LRFN3: variants seen among roughly 807,000 people sequenced by gnomAD.
The protein encoded by LRFN3 is leucine rich repeat and fibronectin type III domain containing 3.
LRFN3 carries 8 observed loss-of-function variants against 23.8 expected under a neutral mutation model. The observed-to-expected ratio is 0.34, with a 90% CI of 0.20 to 0.61. The LOEUF (loss-of-function observed/expected upper bound fraction) is 0.61, where lower values mean the gene tolerates loss of function less well. LRFN3 is among the 20% of genes least tolerant of loss of function. The probability of loss-of-function intolerance (pLI) is 0.80; values close to 1 mark genes in which losing one functional copy is unlikely to be tolerated. For synonymous variants in LRFN3, 451 were observed against 450.6 expected, an observed-to-expected ratio of 1.00 and a Z score of -0.01; for missense variants, 736 against 935.3, an observed-to-expected ratio of 0.79 and a Z score of 2.78.
At position 35,945,079 on chromosome 19, in the gene LRFN3, T is replaced by C. The variant is rs1976164791; in HGVS notation, c.*60T>C. 1 of 1,045,344 alleles carries C rather than the reference T, an allele frequency of 9.6e-7. No homozygotes were observed. Among genetic ancestry groups the C allele is most frequent in the Non-Finnish European group, 1.3e-6 (1 of 778,574 alleles). The allele number at this position is 1,045,344 out of a possible 1,614,324, so 64.8% of individuals were successfully genotyped here. On this transcript the variant is annotated 3_prime_UTR_variant, in exon 3 of 3. Coordinates refer to ENST00000246529, the MANE Select transcript of LRFN3 (RefSeq NM_024509.2). ...CACGGACAGCAGGACCCGGACACCC[T>C]GTGGGACCTGGCCTCAAACTCACCA... is the stretch of plus-strand genomic sequence containing the variant.
Position 35,940,183 on chromosome 19 carries a change from G to A in LRFN3, c.758G>A (p.Cys253Tyr). 1.2e-6 allele frequency: 2 copies of A among 1,609,942 alleles called. No individual in the cohort carries two copies. The highest frequency in any genetic ancestry group is 1.7e-6 in the Non-Finnish European group (2 of 1,179,600). Reference protein sequence around the residue: ...VLAFGGNPLHCNCELVWLRRL... With the variant: ...VLAFGGNPLHYNCELVWLRRL... The stretch of plus-strand genomic sequence containing the variant: ...GCCTTTGGCGGGAACCCCCTGCACT[G>A]CAACTGCGAGCTGGTGTGGCTGCGT... Residue 253 changes from cysteine (C) to tyrosine (Y), a missense_variant, in exon 2 of 3, where the codon TGC becomes TAC. By Grantham distance (194) the Cys-to-Tyr change is radical. Coordinates refer to ENST00000246529, the MANE Select transcript of LRFN3 (RefSeq NM_024509.2).
In LRFN3 at chr19:35,939,414, C is replaced by A; in HGVS notation, c.-12C>A. 1 of 1,569,444 alleles carries A rather than the reference C, an allele frequency of 6.4e-7. No homozygotes were observed. Among genetic ancestry groups the A allele is most frequent in the Non-Finnish European group, 8.6e-7 (1 of 1,160,430 alleles). ...CGCCTCCCCTCTTCTCCGCAGGACA[C>A]CCCTGCCCGCGATGGCCATCCTCCC... On this transcript the variant is annotated 5_prime_UTR_variant, in exon 2 of 3. Transcript: ENST00000246529. This position sits in a 1 kb window ranked among gnomAD's most constrained non-coding sequence, Gnocchi z 6.4.
rs769217067 is a variant in LRFN3, at chr19:35,940,770, C to A, written c.1345C>A (p.Arg449=). Residue 449 remains arginine (R), a synonymous_variant, in exon 2 of 3, where the codon CGG becomes AGG. Transcript: ENST00000246529. The stretch of plus-strand genomic sequence containing the variant: ...TGCTCTTGTCCAGTGGCCGGATCAG[C>A]GGCCTATCCCGGGCATCCGCATGTA... ...TAALVQWPDQ[R]PIPGIRMYQI... 1.2e-6 allele frequency: 2 copies of A among 1,611,398 alleles called. No individual in the cohort carries two copies. The highest frequency in any genetic ancestry group is 1.7e-6 in the Non-Finnish European group (2 of 1,178,472).
chr19:35,941,370 C>G (rs1237877082), intron 2 of LRFN3, among the ~76,000 whole-genome samples: 1 of 152,112 alleles, frequency 6.6e-6, no homozygotes, highest in African/African-American at 2.4e-5. Flanking sequence ...GGACTAGATA[C>G]TAGCTGGGCT....
chr19:35,942,659 G>A (rs1268310114), intron 2 of LRFN3, among the ~76,000 whole-genome samples: 1 of 152,138 alleles, frequency 6.6e-6, no homozygotes, highest in Non-Finnish European at 1.5e-5. Flanking sequence ...TTTCAGTCCT[G>A]GCAACCCACT....
At chr19:35,938,373 C>T (rs1461763933) in intron 1 of LRFN3, among the ~76,000 whole-genome samples, 2 of 148,400 alleles carry the variant, frequency 1.3e-5, no homozygotes, top group African/African-American at 2.6e-5. Flanking sequence ...CATCTCTGGC[C>T]ACCTCTTCTC....
chr19:35,941,538 T>C (rs1288990466), intron 2 of LRFN3, among the ~76,000 whole-genome samples: 2 of 152,148 alleles, frequency 1.3e-5, no homozygotes, highest in African/African-American at 4.8e-5. Flanking sequence ...GTGTGAACTA[T>C]TCCATGTTTC....
Position 35,944,096 on chromosome 19 carries a change from C to T in LRFN3, c.1416-452C>T, listed in dbSNP as rs769787780. Among the ~76,000 whole-genome samples the T allele has an allele frequency of 2.0e-5, 3 of 152,010 alleles. No homozygotes were observed. The highest frequency in any genetic ancestry group is 4.4e-5 in the Non-Finnish European group (3 of 67,996). ...TTCCTGCTACTCAGGAGGCTGAGGC[C>T]GGAGGATGGCTTGAGTCCAGGAGTC... On this transcript the variant is annotated intron_variant, in intron 2 of 2. Coordinates refer to ENST00000246529, the MANE Select transcript of LRFN3 (RefSeq NM_024509.2). The surrounding 1 kb of genome is among the most constrained non-coding windows in gnomAD (Gnocchi z 4.5).
chr19:35,936,984 G>A lies in LRFN3; in HGVS notation c.-588G>A, dbSNP rs1407952355. 2.0e-5 allele frequency: 3 copies of A among 152,230 alleles called. No homozygotes were observed. The highest frequency in any genetic ancestry group is 7.2e-5 in the African/African-American group (3 of 41,430). 9.4% of individuals were successfully genotyped at this position (152,230 alleles called of 1,614,324 possible). On this transcript the variant is annotated 5_prime_UTR_variant, in exon 1 of 3. Transcript: ENST00000246529. ...TTTGACATCTAAAACCTCAAGCCTGGAGCTGAACTCTGAATTCTGGGCCTG... is the reference window on the plus strand; with the variant it reads ...TTTGACATCTAAAACCTCAAGCCTGAAGCTGAACTCTGAATTCTGGGCCTG...
chr19:35,941,775 T>C (rs544944423), intron 2 of LRFN3, among the ~76,000 whole-genome samples: 1 of 152,316 alleles, frequency 6.6e-6, no homozygotes, highest in South Asian at 2.1e-4. Flanking sequence ...GGTTTTGCCA[T>C]GTTGGCCAGG....
At position 35,939,930 on chromosome 19, in the gene LRFN3, G is replaced by A. The variant is rs551566749; in HGVS notation, c.505G>A (p.Glu169Lys). The change falls in exon 2 of 3, where the codon GAG (glutamate) becomes AAG (lysine). Residue 169 changes from glutamate (E) to lysine (K), a missense_variant. By Grantham distance (56) the Glu-to-Lys change is moderately conservative. Transcript: ENST00000246529. The surrounding 1 kb of genome is among the most constrained non-coding windows in gnomAD (Gnocchi z 6.4). ...CCTCGACCTCTCCTACAACAACCTC[G>A]AGCAGCTGCCCTGGGAGGCCCTGGG... ...EDLDLSYNNL[E>K]QLPWEALGRL... 7.5e-6 allele frequency: 12 copies of A among 1,605,906 alleles called. No individual in the cohort carries two copies. The highest frequency in any genetic ancestry group is 5.0e-5 in the Admixed American group (3 of 60,012).
chr19:35,943,554 G>A (rs1976144575), intron 2 of LRFN3, among the ~76,000 whole-genome samples: 1 of 152,094 alleles, frequency 6.6e-6, no homozygotes, highest in Non-Finnish European at 1.5e-5. Flanking sequence ...GTACACTAGA[G>A]GAAAATCAGG....
rs745806923 is a variant in LRFN3, at chr19:35,939,546, C to G, written c.121C>G (p.Leu41Val). ...RCRCQTQSLP[L>V]SVLCPGAGLL... is the part of the protein sequence containing the mutation. ...CCGCTGCCAGACACAGTCGCTGCCC[C>G]TAAGCGTGCTGTGCCCAGGGGCAGG... The change falls in exon 2 of 3, where the codon CTA (leucine) becomes GTA (valine). Residue 41 changes from leucine (L) to valine (V), a missense_variant. Transcript: ENST00000246529. This position sits in a 1 kb window ranked among gnomAD's most constrained non-coding sequence, Gnocchi z 6.4. 6.2e-7 allele frequency: 1 copy of G among 1,608,450 alleles called. No individual in the cohort carries two copies. Among genetic ancestry groups the G allele is most frequent in the East Asian group, 2.2e-5 (1 of 44,862 alleles).
At chr19:35,943,080 A>C (rs1599653913) in intron 2 of LRFN3, among the ~76,000 whole-genome samples, 1 of 151,642 alleles carries the variant, frequency 6.6e-6, no homozygotes. Context: ...CCAGGTGGGG[A>C]ATGGGATGAA....
In LRFN3 at chr19:35,939,785, C is replaced by T. The variant is rs1187182292; in HGVS notation, c.360C>T (p.Thr120=). The part of the protein sequence containing the change: ...RALHLDGNRL[T]SLGEGQLRGL... Reference sequence around the variant, plus strand: ...TGCACCTGGATGGCAACCGGCTGACCTCACTGGGCGAGGGCCAGCTGCGCG... The same window carrying T: ...TGCACCTGGATGGCAACCGGCTGACTTCACTGGGCGAGGGCCAGCTGCGCG... Residue 120 remains threonine (T), a synonymous_variant, in exon 2 of 3, where the codon ACC becomes ACT. Transcript: ENST00000246529. This position sits in a 1 kb window ranked among gnomAD's most constrained non-coding sequence, Gnocchi z 6.4. 1 of 1,604,414 alleles carries T rather than the reference C, an allele frequency of 6.2e-7. No individual in the cohort carries two copies. The highest frequency in any genetic ancestry group is 1.7e-5 in the Admixed American group (1 of 59,994).
At chr19:35,941,469 G>A (rs1466860837) in intron 2 of LRFN3, among the ~76,000 whole-genome samples, 1 of 152,230 alleles carries the variant, frequency 6.6e-6, no homozygotes, top group Non-Finnish European at 1.5e-5. Flanking sequence ...AATCAGACCA[G>A]AGGTTAGAAG....
rs1437222359 is a variant in LRFN3, at chr19:35,940,621, C to A, written c.1196C>A (p.Pro399His). Residue 399 changes from proline (P) to histidine (H), a missense_variant, in exon 2 of 3, where the codon CCC (proline) becomes CAC (histidine). Around this residue, in one of 2 missense-constraint regions of LRFN3, gnomAD observed 446 missense variants for 647.9 expected, o/e 0.69. Transcript: ENST00000246529. ...CTAGCCAACAGCACCAGCTGTGACC[C>A]CCCGCGGGACGGGGATCCTGATGCT... Reference protein sequence around the residue: ...PQLANSTSCDPPRDGDPDALT... With the variant: ...PQLANSTSCDHPRDGDPDALT... 6.2e-7 allele frequency: 1 copy of A among 1,610,060 alleles called. No homozygotes were observed. The highest frequency in any genetic ancestry group is 8.5e-7 in the Non-Finnish European group (1 of 1,177,242).
chr19:35,944,764 C>T lies in LRFN3; in HGVS notation c.1632C>T (p.Gly544=), dbSNP rs761957684. Residue 544 remains glycine (G), a synonymous_variant, in exon 3 of 3, where the codon GGC becomes GGT. Transcript: ENST00000246529. This position sits in a 1 kb window ranked among gnomAD's most constrained non-coding sequence, Gnocchi z 4.5. ...FLGGTMIIAL[G]GVIVASVLVF... ...GCGGCACGATGATCATCGCGCTGGG[C>T]GGCGTCATCGTAGCCTCGGTACTGG... is the stretch of plus-strand genomic sequence containing the variant. 1.9e-6 allele frequency: 3 copies of T among 1,609,722 alleles called. No homozygotes were observed. Among genetic ancestry groups the T allele is most frequent in the Admixed American group, 1.7e-5 (1 of 59,790 alleles).
In LRFN3 at chr19:35,945,918, A is replaced by C. The variant is rs1021628564; in HGVS notation, c.*899A>C. Among the ~76,000 whole-genome samples the C allele has an allele frequency of 1.3e-5, 2 of 152,138 alleles. No homozygotes were observed. The highest frequency in any genetic ancestry group is 4.8e-5 in the African/African-American group (2 of 41,486). On this transcript the variant is annotated 3_prime_UTR_variant, in exon 3 of 3. Transcript: ENST00000246529. ...GACTGAAGCTGGGAGCCCCAGGGGA[A>C]GCTGGGGCAGGGACCTGGGTGGGTG...
Sources: allele counts gnomAD v4.1 joint callset (sites outside exome capture counted in the v4.1 genomes callset), GRCh38; gene constraint gnomAD v4.1.1; regional missense constraint gnomAD v4.1.1; non-coding constraint Gnocchi (gnomAD v3.1); transcripts MANE v1.5; gene names NCBI Gene and HGNC (gene_info 2026-07-23, HGNC 2026-07-21).